The following MYO1F variants were observed in gnomAD, a reference collection of about 807,000 sequenced individuals.
MYO1F encodes the protein unconventional myosin-If.
Under a neutral mutation model 146.6 loss-of-function variants are expected in MYO1F, and 60 were observed. That is an observed-to-expected ratio of 0.41 (90% confidence interval 0.33 to 0.51). The LOEUF (loss-of-function observed/expected upper bound fraction) is 0.51, where lower values mean the gene tolerates loss of function less well. Among genes scored for constraint, MYO1F ranks in the 20% least tolerant of loss-of-function variants. The pLI is 0.25. For missense variants in MYO1F, 1,274 were observed against 1,534.3 expected, an observed-to-expected ratio of 0.83 and a Z score of 2.83; for synonymous variants, 602 against 602.1, an observed-to-expected ratio of 1.00 and a Z score of 0.00.
At chr19:8,553,009 G>A (rs778657851) in intron 6 of MYO1F, 130 bp downstream of exon 6, 1 of 866,848 alleles carries the variant, frequency 1.2e-6, no homozygotes, top group South Asian at 1.3e-5. Context: ...CCCTTCAGGA[G>A]TAGGTATTTC....
intron 1 of MYO1F, among the ~76,000 whole-genome samples, chr19:8,574,538 TC>T (rs2042169106): frequency 1.9e-5 from 1 of 51,420 alleles, no homozygotes; most frequent in Admixed American, 1.9e-4. Context: ...TCCCTTTCTT[TC>T]TTTCTTTCTT....
chr19:8,532,452 T>G (rs1166858622), intron 19 of MYO1F, among the ~76,000 whole-genome samples: 1 of 152,084 alleles, frequency 6.6e-6, no homozygotes, highest in East Asian at 1.9e-4. Flanking sequence ...ATACTGTAAA[T>G]CTATAGTAAT....
chr19:8,550,819 C>T, intron 8 of MYO1F, 125 bp from the exon 9 acceptor site: 1 of 1,245,650 alleles, frequency 8.0e-7, no homozygotes, highest in Non-Finnish European at 1.1e-6. Context: ...TGTCCTACCC[C>T]TTTCAGTCAC....
rs1401324073 is a variant in MYO1F at position 8,525,654 on chromosome 19, C to T, written c.2771-92G>A. On this transcript the variant is annotated intron_variant, in intron 24 of 27. Coordinates refer to ENST00000644032, the MANE Select transcript of MYO1F (RefSeq NM_012335.4). ...AGTCCATTCTGAGGCTCCGCCGCAC[C>T]CCGCCCCCTCAGGCTCTCCCATTAG... 10 of 1,079,222 alleles carry T rather than the reference C, an allele frequency of 9.3e-6. No individual in the cohort carries two copies. The Admixed American group carries it at 1.8e-4, about 19-fold the overall frequency. The allele number at this position is 1,079,222 out of a possible 1,614,324, so 66.9% of individuals were successfully genotyped here.
intron 27 of MYO1F, among the ~76,000 whole-genome samples, chr19:8,522,091 C>T (rs1411851812): frequency 6.7e-6 from 1 of 150,282 alleles, no homozygotes; most frequent in Non-Finnish European, 1.5e-5. Flanking sequence ...GGCGCAATCT[C>T]GGCTCACTGC....
At position 8,550,637 on chromosome 19, in the gene MYO1F, C is replaced by T. The variant is rs772331130; in HGVS notation, c.829G>A (p.Val277Met). 14 of 1,614,172 alleles carry T rather than the reference C, an allele frequency of 8.7e-6. No individual in the cohort carries two copies. Among genetic ancestry groups the T allele is most frequent in the Admixed American group, 3.3e-5 (2 of 60,018 alleles). ...TTCCCCAGGTGCAAGATCCCCGCCA[C>T]GAGCTGCAGGACCAGCTGCTGGATG... is the stretch of plus-strand genomic sequence containing the variant. ...PSIQQLVLQL[V>M]AGILHLGNIS... The change falls in exon 9 of 28, where the codon GTG (valine) becomes ATG (methionine). Residue 277 changes from valine (V) to methionine (M), a missense_variant. This residue lies in a region of MYO1F where 900 missense variants were observed against 1,155.1 expected (regional missense o/e 0.78). Transcript: ENST00000644032.
intron 19 of MYO1F, among the ~76,000 whole-genome samples, chr19:8,532,944 ACACAC>A (rs1315426377): frequency 4.1e-5 from 6 of 147,324 alleles, no homozygotes; most frequent in African/African-American, 1.6e-4. Context: ...ACACACACAC[ACACAC>A]AATTGGGCTT....
chr19:8,529,510 G>C (rs111477047), intron 21 of MYO1F, among the ~76,000 whole-genome samples: 2,670 of 152,238 alleles, frequency 0.018, 33 homozygotes, highest in African/African-American at 0.037. Context: ...TCCCTGTAGA[G>C]AGCATGTACC....
intron 15 of MYO1F, among the ~76,000 whole-genome samples, chr19:8,541,066 C>T (rs116313178): frequency 9.9e-4 from 151 of 152,112 alleles, no homozygotes; most frequent in African/African-American, 3.3e-3. Context: ...TCACTGTAGC[C>T]TCCACCTCCT....
intron 16 of MYO1F, among the ~76,000 whole-genome samples, chr19:8,537,688 G>T (rs1427249312): frequency 2.0e-5 from 3 of 151,938 alleles, no homozygotes; most frequent in African/African-American, 7.2e-5. Context: ...TCCACCTCTG[G>T]CTCCCAAGGT....
chr19:8,554,871 G>A, intron 2 of MYO1F, 128 bp from the exon 3 acceptor site: 2 of 887,300 alleles, frequency 2.3e-6, no homozygotes, highest in South Asian at 1.4e-5. Flanking sequence ...GATAATGGAT[G>A]CACCTCGAGT....
chr19:8,562,844 T>C (rs542861489), intron 1 of MYO1F, among the ~76,000 whole-genome samples: 1 of 152,164 alleles, frequency 6.6e-6, no homozygotes, highest in African/African-American at 2.4e-5. Flanking sequence ...AAGTTAAACA[T>C]TTTGGAAACT....
intron 14 of MYO1F, chr19:8,543,978 C>CTGGTGGTGGTGG: frequency 6.0e-6 from 1 of 167,182 alleles, no homozygotes; most frequent in South Asian, 4.7e-5. Context: ...GGTGCTGGTG[C>CTGGTGGTGGTGG]TGGTGCTGGT....
intron 4 of MYO1F, among the ~76,000 whole-genome samples, chr19:8,553,888 A>ACTCTCTCTCTCT (rs1318395114): frequency 3.0e-5 from 2 of 67,632 alleles, no homozygotes; most frequent in East Asian, 9.2e-4. Flanking sequence ...ACACACACAC[A>ACTCTCTCTCTCT]CACACACTCT....
rs527318899 is a variant in MYO1F, at chr19:8,531,412, A to G, written c.2044-839T>C. ...CGCCCAGACTGGAGTGTGGTGGTGC[A>G]GTCATAGCTCACTGCAGCTTCAACC... On this transcript the variant is annotated intron_variant, in intron 19 of 27. Transcript: ENST00000644032. 3.2e-3 allele frequency among the ~76,000 whole-genome samples: 490 copies of G among 152,318 alleles called. 3 individuals are homozygous for G. Among genetic ancestry groups the G allele is most frequent in the African/African-American group, 0.01 (434 of 41,582 alleles).
intron 19 of MYO1F, among the ~76,000 whole-genome samples, chr19:8,534,377 A>G (rs1237849402): frequency 1.3e-5 from 2 of 150,140 alleles, no homozygotes; most frequent in East Asian, 4.1e-4. Context: ...GCGCAATCTC[A>G]GCTCACTGCA....
chr19:8,553,159 T>C lies in MYO1F; in HGVS notation c.484A>G (p.Asn162Asp). Reference sequence around the variant, plus strand: ...CTTACAAAGCGGCTGGAATTGTTGTTGCGCACAGTCTTGGCGTTGCCGAAG... The same window carrying C: ...CTTACAAAGCGGCTGGAATTGTTGTCGCGCACAGTCTTGGCGTTGCCGAAG... ...EAFGNAKTVRNNNSSRFGKYF... is the reference protein window; with the variant it reads ...EAFGNAKTVRDNNSSRFGKYF... Residue 162 changes from asparagine (N) to aspartate (D), a missense_variant, in exon 6 of 28, where the codon AAC becomes GAC. Transcript: ENST00000644032. 6.2e-7 allele frequency: 1 copy of C among 1,614,196 alleles called. No individual in the cohort carries two copies. Among genetic ancestry groups the C allele is most frequent in the Non-Finnish European group, 8.5e-7 (1 of 1,180,040 alleles).
intron 1 of MYO1F, among the ~76,000 whole-genome samples, chr19:8,576,032 T>A (rs1002538287): frequency 1.3e-5 from 2 of 152,198 alleles, no homozygotes; most frequent in Non-Finnish European, 2.9e-5. Context: ...GAGTGTGCTC[T>A]GTCACCCAGG....
At chr19:8,567,001 A>G (rs535783668) in intron 1 of MYO1F, among the ~76,000 whole-genome samples, 4 of 151,274 alleles carry the variant, frequency 2.6e-5, no homozygotes, top group African/African-American at 9.7e-5. Flanking sequence ...TATGTGAATT[A>G]CTTCATCTTA....
Sources: allele counts gnomAD v4.1 joint callset (sites outside exome capture counted in the v4.1 genomes callset), GRCh38; gene constraint gnomAD v4.1.1; regional missense constraint gnomAD v4.1.1; transcripts MANE v1.5; gene names NCBI Gene and HGNC (gene_info 2026-07-23, HGNC 2026-07-21).